CNTNAP2: variants seen among roughly 807,000 people sequenced by gnomAD.
The protein encoded by CNTNAP2 is contactin associated protein 2.
Under a neutral mutation model 155.2 loss-of-function variants are expected in CNTNAP2, and 98 were observed. That is an observed-to-expected ratio of 0.63 (90% CI 0.54 to 0.75). The LOEUF is 0.75. CNTNAP2 is among the 30% of genes least tolerant of loss of function. CNTNAP2 has a pLI of 0.00. For synonymous variants in CNTNAP2, 651 were observed against 631.2 expected (o/e 1.03, Z -0.47); for missense variants, 1,727 against 1,688.1 (o/e 1.02, Z -0.40).
chr7:147,583,523 T>TAC, intron 12 of CNTNAP2, among the ~76,000 whole-genome samples: 1 of 147,006 alleles, frequency 6.8e-6, no homozygotes, highest in African/African-American at 2.5e-5. Flanking sequence ...TATATATATA[T>TAC]ATATATATAA....
chr7:147,978,092 C>G, intron 15 of CNTNAP2, 103 bp downstream of exon 15: 1 of 1,453,778 alleles, frequency 6.9e-7, no homozygotes, highest in Non-Finnish European at 9.4e-7. Context: ...TCTCCTGTAG[C>G]TCCTACAGAA....
At chr7:147,302,134 G>C (rs189835413) in intron 9 of CNTNAP2, among the ~76,000 whole-genome samples, 1 of 152,250 alleles carries the variant, frequency 6.6e-6, no homozygotes, top group East Asian at 1.9e-4. Flanking sequence ...AGCCAAACTG[G>C]TTACCGTCCA....
chr7:147,920,355 CAAAAAAA>C (rs35672069), intron 14 of CNTNAP2, among the ~76,000 whole-genome samples: 3 of 86,834 alleles, frequency 3.5e-5, no homozygotes, highest in Non-Finnish European at 4.4e-5. Flanking sequence ...GACTCCGTCT[CAAAAAAA>C]AAAAAAAAAA....
chr7:146,349,931 C>G (rs1486446045), intron 1 of CNTNAP2, among the ~76,000 whole-genome samples: 3 of 152,072 alleles, frequency 2.0e-5, no homozygotes, highest in Non-Finnish European at 2.9e-5. Context: ...TTTGGTGAAT[C>G]TGACAATTAT....
chr7:147,788,268 C>G (rs1797767194), intron 13 of CNTNAP2, among the ~76,000 whole-genome samples: 1 of 152,144 alleles, frequency 6.6e-6, no homozygotes, highest in African/African-American at 2.4e-5. Flanking sequence ...CTGTCCTAGT[C>G]AAATTTTGCA....
chr7:146,365,277 T>C (rs1474485874), intron 1 of CNTNAP2, among the ~76,000 whole-genome samples: 1 of 152,166 alleles, frequency 6.6e-6, no homozygotes, highest in Non-Finnish European at 1.5e-5. Context: ...CTGCAGACTT[T>C]GCCTCTCTCT....
In CNTNAP2 at chr7:146,839,898, T is replaced by C; in HGVS notation, c.396T>C (p.Asn132=). 1 of 1,614,136 alleles carries C rather than the reference T, an allele frequency of 6.2e-7. No individual in the cohort carries two copies. The highest frequency in any genetic ancestry group is 1.3e-5 in the African/African-American group (1 of 75,048). ...RNWKPYHQDG[N]IWAFPGNINS... is the part of the protein sequence containing the mutation. The stretch of plus-strand genomic sequence containing the variant: ...GGAAACCCTATCATCAAGATGGGAA[T>C]ATCTGGGTAAGTCATTGGCAGGAAA... Residue 132 remains asparagine, a synonymous_variant, in exon 3 of 24, where the codon AAT becomes AAC. Coordinates refer to ENST00000361727, the MANE Select transcript of CNTNAP2 (RefSeq NM_014141.6).
intron 9 of CNTNAP2, among the ~76,000 whole-genome samples, chr7:147,383,587 A>T (rs1222303227): frequency 6.6e-6 from 1 of 152,094 alleles, no homozygotes; most frequent in Non-Finnish European, 1.5e-5. Context: ...ACATGGACAC[A>T]GGGAGGGGAA....
At chr7:146,963,517 C>G (rs898178928) in intron 3 of CNTNAP2, among the ~76,000 whole-genome samples, 1 of 152,116 alleles carries the variant, frequency 6.6e-6, no homozygotes, top group Admixed American at 6.5e-5. Flanking sequence ...TAATATATCT[C>G]ATTTAATAGA....
At chr7:148,129,884 G>C (rs1206982517) in intron 16 of CNTNAP2, among the ~76,000 whole-genome samples, 1 of 152,166 alleles carries the variant, frequency 6.6e-6, no homozygotes, top group Non-Finnish European at 1.5e-5. Context: ...TTCATGCCAG[G>C]GTTCTCAGTT....
At chr7:148,030,837 T>C (rs10952725) in intron 15 of CNTNAP2, among the ~76,000 whole-genome samples, 49,695 of 152,002 alleles carry the variant, frequency 0.33, 9,657 homozygotes, top group East Asian at 0.77. Context: ...ACCATAAACC[T>C]GAAATCTGGG....
At chr7:147,905,979 T>C (rs1163432146) in intron 14 of CNTNAP2, among the ~76,000 whole-genome samples, 1 of 150,672 alleles carries the variant, frequency 6.6e-6, no homozygotes, top group Non-Finnish European at 1.5e-5. Context: ...ATCCATAACG[T>C]CTTGGAGGAA....
At chr7:146,288,951 C>G (rs533635054) in intron 1 of CNTNAP2, among the ~76,000 whole-genome samples, 1 of 151,340 alleles carries the variant, frequency 6.6e-6, no homozygotes, top group Non-Finnish European at 1.5e-5. Flanking sequence ...ATTATTGGTG[C>G]GCACCACCAC....
intron 15 of CNTNAP2, among the ~76,000 whole-genome samples, chr7:148,067,551 T>C (rs1424177917): frequency 6.6e-6 from 1 of 152,192 alleles, no homozygotes; most frequent in Non-Finnish European, 1.5e-5. Flanking sequence ...GTAGTTTTGT[T>C]TAGTGCATGG....
intron 15 of CNTNAP2, among the ~76,000 whole-genome samples, chr7:148,064,705 A>G (rs1803221848): frequency 1.3e-5 from 2 of 150,910 alleles, no homozygotes; most frequent in Non-Finnish European, 1.5e-5. Flanking sequence ...AAACTCAAGA[A>G]TATACCTAAC....
intron 3 of CNTNAP2, among the ~76,000 whole-genome samples, chr7:146,973,726 C>G (rs112176475): frequency 0.039 from 5,881 of 152,260 alleles, 136 homozygotes; most frequent in South Asian, 0.076. Flanking sequence ...GAATGGCAGC[C>G]TGTCATCATA....
chr7:147,372,086 C>T (rs751152257), intron 9 of CNTNAP2, among the ~76,000 whole-genome samples: 13 of 152,036 alleles, frequency 8.6e-5, no homozygotes, highest in Non-Finnish European at 1.9e-4. Context: ...TAAAACATTT[C>T]GAATATTTTC....
chr7:147,769,024 A>G (rs34645698), intron 13 of CNTNAP2, among the ~76,000 whole-genome samples: 10,947 of 152,198 alleles, frequency 0.072, 429 homozygotes, highest in African/African-American at 0.093. Flanking sequence ...AATTATTCAT[A>G]GAAGAAAAGC....
rs757136036 is a variant in CNTNAP2 at position 146,288,793 on chromosome 7, ATTTT to A, written c.97+171846_97+171849del. On this transcript the variant is annotated intron_variant, in intron 1 of 23. Coordinates refer to ENST00000361727, the MANE Select transcript of CNTNAP2 (RefSeq NM_014141.6). ...GGCAAAGGGTAGAGTAAAATTAGTAATTTTTTTTTTTTTTTTTTTTTTTTTTTTT... is the reference window on the plus strand; with the variant it reads ...GGCAAAGGGTAGAGTAAAATTAGTAATTTTTTTTTTTTTTTTTTTTTTTTT... 5.6e-3 allele frequency among the ~76,000 whole-genome samples: 560 copies of A among 99,984 alleles called. 2 individuals carry two copies. Among genetic ancestry groups the A allele is most frequent in the African/African-American group, 0.028 (525 of 18,472 alleles). The allele number at this position is 99,984 out of a possible 152,430, so 65.6% of individuals were successfully genotyped here. A position where few individuals can be genotyped will look rare whatever the true frequency, so the allele number is the denominator to read the frequency against.
Sources: allele counts gnomAD v4.1 joint callset (sites outside exome capture counted in the v4.1 genomes callset), GRCh38; gene constraint gnomAD v4.1.1; transcripts MANE v1.5; gene names NCBI Gene and HGNC (gene_info 2026-07-23, HGNC 2026-07-21).